Variants in CADM1 observed in about 807,000 individuals in gnomAD.
CADM1 encodes the protein cell adhesion molecule 1.
Under a neutral mutation model 53.1 loss-of-function variants are expected in CADM1, and 15 were observed. The ratio of observed to expected loss-of-function variants is 0.28; its 90% CI spans 0.19 to 0.44. CADM1 has a LOEUF of 0.44. Ranked by LOEUF, CADM1 falls within the 20% of genes least tolerant of loss-of-function variation. The probability of loss-of-function intolerance (pLI) is 1.00; values close to 1 mark genes in which losing one functional copy is unlikely to be tolerated. For synonymous variants in CADM1, 281 were observed against 243.0 expected, an observed-to-expected ratio of 1.16 and a Z score of -1.45; for missense variants, 434 against 611.3, an observed-to-expected ratio of 0.71 and a Z score of 3.06.
chr11:115,302,915 A>G (rs1944269291), intron 1 of CADM1, among the ~76,000 whole-genome samples: 1 of 152,122 alleles, frequency 6.6e-6, no homozygotes, highest in Non-Finnish European at 1.5e-5. Context: ...GGTTAGGAAG[A>G]AGACACATTA....
chr11:115,217,346 A>G (rs1017518660), intron 6 of CADM1, among the ~76,000 whole-genome samples: 1 of 152,208 alleles, frequency 6.6e-6, no homozygotes, highest in African/African-American at 2.4e-5. Context: ...AGTGGCATAT[A>G]TATCCTCCTT....
At chr11:115,218,420 G>T (rs941125595) in intron 5 of CADM1, among the ~76,000 whole-genome samples, 1 of 152,060 alleles carries the variant, frequency 6.6e-6, no homozygotes, top group Non-Finnish European at 1.5e-5. Flanking sequence ...TAATAAATTT[G>T]CCTCTTCTAT....
At chr11:115,380,265 GA>G (rs1946542557) in intron 1 of CADM1, among the ~76,000 whole-genome samples, 1 of 152,190 alleles carries the variant, frequency 6.6e-6, no homozygotes, top group African/African-American at 2.4e-5. Flanking sequence ...CAGCCGAAGA[GA>G]AGTTACACAA....
chr11:115,297,087 C>T (rs1944098399), intron 1 of CADM1, among the ~76,000 whole-genome samples: 1 of 152,196 alleles, frequency 6.6e-6, no homozygotes, highest in African/African-American at 2.4e-5. Context: ...CCCCTCCTTG[C>T]TATACAGTAT....
rs901965074 is a variant in CADM1, at chr11:115,468,392, T to C, written c.124+35879A>G. ...TTCTCCAAAATAATGAAGACTCTCC[T>C]AGAACAGGTGAGTTGTGAAATCCAG... On this transcript the variant is annotated intron_variant, in intron 1 of 11. Transcript: ENST00000331581. 7.9e-5 allele frequency among the ~76,000 whole-genome samples: 12 copies of C among 152,194 alleles called. No homozygotes were observed. In the East Asian group the frequency reaches 1.9e-3, roughly 24 times the overall value.
At chr11:115,290,057 A>C (rs1373157499) in intron 1 of CADM1, among the ~76,000 whole-genome samples, 1 of 152,226 alleles carries the variant, frequency 6.6e-6, no homozygotes, top group Non-Finnish European at 1.5e-5. Flanking sequence ...CGAGCGCCAC[A>C]GCGTCGTGCT....
At chr11:115,340,582 A>ACC (rs1591724911) in intron 1 of CADM1, among the ~76,000 whole-genome samples, 1 of 139,634 alleles carries the variant, frequency 7.2e-6, no homozygotes, top group East Asian at 2.1e-4. Flanking sequence ...TTTAAAATCA[A>ACC]ATTTCCCCTG....
At chr11:115,224,032 C>T (rs892244388) in intron 5 of CADM1, among the ~76,000 whole-genome samples, 21 of 144,518 alleles carry the variant, frequency 1.5e-4, no homozygotes, top group African/African-American at 3.8e-4. Context: ...AATCTGAAAA[C>T]GCCAGCTATT....
At chr11:115,443,126 T>A (rs909365761) in intron 1 of CADM1, among the ~76,000 whole-genome samples, 2 of 152,162 alleles carry the variant, frequency 1.3e-5, no homozygotes, top group Admixed American at 6.5e-5. Context: ...ACAAATATTC[T>A]TGGGCTGGGA....
At chr11:115,397,614 C>T (rs1321142502) in intron 1 of CADM1, 1 of 152,168 alleles carries the variant, frequency 6.6e-6, no homozygotes, top group African/African-American at 2.4e-5. Context: ...GTCTCATCAT[C>T]TTTGAAGTGA....
At chr11:115,235,276 T>G (rs913497569) in intron 3 of CADM1, among the ~76,000 whole-genome samples, 4 of 152,176 alleles carry the variant, frequency 2.6e-5, no homozygotes, top group Admixed American at 6.5e-5. Context: ...AAAACTTATT[T>G]GGTCTATTAA....
chr11:115,489,058 A>G (rs910215216), intron 1 of CADM1, among the ~76,000 whole-genome samples: 2 of 152,222 alleles, frequency 1.3e-5, no homozygotes, highest in Non-Finnish European at 2.9e-5. Flanking sequence ...GACCTCAGAG[A>G]TAAGTTTCTT....
rs768973522 is a variant in CADM1 at position 115,229,280 on chromosome 11, C to T, written c.563-9G>A. The T allele has an allele frequency of 1.9e-6, 3 of 1,613,832 alleles. No homozygotes were observed. Among genetic ancestry groups the T allele is most frequent in the African/African-American group, 1.3e-5 (1 of 74,926 alleles). ...TTCCACCTCCGATTTGCCTGGGGAACAGAAAATGTACCAAGACACCAGAGT... is the reference window on the plus strand; with the variant it reads ...TTCCACCTCCGATTTGCCTGGGGAATAGAAAATGTACCAAGACACCAGAGT... On this transcript the variant is annotated splice_polypyrimidine_tract_variant and intron_variant, in intron 4 of 11. Coordinates refer to ENST00000331581, the MANE Select transcript of CADM1 (RefSeq NM_001301043.2).
At chr11:115,194,628 G>A (rs1940060983) in intron 9 of CADM1, among the ~76,000 whole-genome samples, 1 of 152,152 alleles carries the variant, frequency 6.6e-6, no homozygotes, top group Admixed American at 6.6e-5. Flanking sequence ...AAGAGGACAG[G>A]TAGACTTGAA....
intron 1 of CADM1, among the ~76,000 whole-genome samples, chr11:115,499,413 T>C (rs1591309496): frequency 6.6e-6 from 1 of 152,186 alleles, no homozygotes; most frequent in Non-Finnish European, 1.5e-5. Context: ...ATTCCAGAGG[T>C]TTCAGGATCA....
At chr11:115,253,709 A>G (rs1234025830) in intron 1 of CADM1, among the ~76,000 whole-genome samples, 1 of 152,198 alleles carries the variant, frequency 6.6e-6, no homozygotes, top group Non-Finnish European at 1.5e-5. Context: ...CGGAAAACTG[A>G]CCATGGAGGA....
Position 115,175,984 on chromosome 11 carries a change from A to G in CADM1, c.*490T>C. On this transcript the variant is annotated 3_prime_UTR_variant, in exon 12 of 12. Transcript: ENST00000331581. ...TTTTATGAAACTGAATTTGGAACAGAAAGCAGTTACCATAAAAATAAACAA... is the reference window on the plus strand; with the variant it reads ...TTTTATGAAACTGAATTTGGAACAGGAAGCAGTTACCATAAAAATAAACAA... 9.6e-7 allele frequency: 1 copy of G among 1,036,850 alleles called. No individual in the cohort carries two copies. The highest frequency in any genetic ancestry group is 3.6e-5 in the South Asian group (1 of 27,958). 64.2% of individuals were successfully genotyped at this position (1,036,850 alleles called of 1,614,324 possible).
chr11:115,500,617 A>T (rs1186845448), intron 1 of CADM1, among the ~76,000 whole-genome samples: 1 of 152,236 alleles, frequency 6.6e-6, no homozygotes, highest in Non-Finnish European at 1.5e-5. Context: ...GGCTAATGTT[A>T]TAATTGCAAG....
At chr11:115,502,118 G>A (rs1217785276) in intron 1 of CADM1, among the ~76,000 whole-genome samples, 1 of 152,070 alleles carries the variant, frequency 6.6e-6, no homozygotes, top group South Asian at 2.1e-4. Context: ...CCGCTCCTAA[G>A]TCAGCATATA....
Sources: gnomAD v4.1 joint callset for allele counts (sites outside exome capture counted in the v4.1 genomes callset) on GRCh38, gnomAD v4.1.1 for gene constraint, MANE v1.5 for transcripts, NCBI Gene and HGNC (gene_info 2026-07-23, HGNC 2026-07-21) for gene names.